EPHX4: variants seen among roughly 807,000 people sequenced by gnomAD.
EPHX4 encodes epoxide hydrolase 4.
A neutral mutation model predicts 44.9 loss-of-function variants in EPHX4; 31 were observed. The ratio of observed to expected loss-of-function variants is 0.69; its 90% CI spans 0.52 to 0.93. The LOEUF (loss-of-function observed/expected upper bound fraction) is 0.93. EPHX4 is among the 40% of genes least tolerant of loss of function. The pLI is 0.00. For missense variants in EPHX4, 373 were observed against 438.1 expected, an observed-to-expected ratio of 0.85 and a Z score of 1.33; for synonymous variants, 151 against 159.7, an observed-to-expected ratio of 0.95 and a Z score of 0.41.
At position 92,030,192 on chromosome 1, in the gene EPHX4, A is replaced by G. The variant is rs1037508099; in HGVS notation, c.113A>G (p.Lys38Arg). 23 of 1,610,768 alleles carry G rather than the reference A, an allele frequency of 1.4e-5. No individual in the cohort carries two copies. Among genetic ancestry groups the G allele is most frequent in the Non-Finnish European group, 1.7e-5 (20 of 1,178,730 alleles). The change falls in exon 1 of 7, where the codon AAA (lysine) becomes AGA (arginine). Residue 38 changes from lysine (K) to arginine (R), a missense_variant. Coordinates refer to ENST00000370383, the MANE Select transcript of EPHX4 (RefSeq NM_173567.5). ...CGLCASIHLL[K>R]LLWSLGKGPA... The stretch of plus-strand genomic sequence containing the variant: ...CTCTGCGCCTCCATCCACCTGCTCA[A>G]ACTTTTGTGGAGCCTCGGCAAGGGG...
chr1:92,052,860 T>C (rs1194773541), intron 6 of EPHX4, among the ~76,000 whole-genome samples: 2 of 152,202 alleles, frequency 1.3e-5, no homozygotes, highest in Non-Finnish European at 2.9e-5. Context: ...AAATCCTTCA[T>C]GTAGCTGTCA....
intron 6 of EPHX4, among the ~76,000 whole-genome samples, chr1:92,058,228 C>G (rs1647414395): frequency 6.6e-6 from 1 of 151,976 alleles, no homozygotes; most frequent in African/African-American, 2.4e-5. Context: ...GATCACCTGA[C>G]TTCGGGAGTT....
intron 2 of EPHX4, among the ~76,000 whole-genome samples, chr1:92,033,200 C>A (rs544997562): frequency 5.3e-5 from 8 of 151,848 alleles, no homozygotes; most frequent in Admixed American, 1.3e-4. Flanking sequence ...CAGATGTAAG[C>A]CACCACGCCA....
At chr1:92,051,079 C>T (rs911175661) in intron 5 of EPHX4, among the ~76,000 whole-genome samples, 3 of 152,142 alleles carry the variant, frequency 2.0e-5, no homozygotes, top group Non-Finnish European at 4.4e-5. Context: ...GCAATCCTCC[C>T]ACCTCGGCTT....
At chr1:92,062,967 A>C in intron 6 of EPHX4, 88 bp from the exon 7 acceptor site, 1 of 1,177,518 alleles carries the variant, frequency 8.5e-7, no homozygotes, top group East Asian at 2.4e-5. Context: ...TGCTCACTTC[A>C]AGAATGTATG....
At chr1:92,053,225 TGGGGACAG>T (rs1406158590) in intron 6 of EPHX4, among the ~76,000 whole-genome samples, 1 of 151,968 alleles carries the variant, frequency 6.6e-6, no homozygotes, top group African/African-American at 2.4e-5. Context: ...TAAACAAGAT[TGGGGACAG>T]GGGGACAGGC....
At position 92,032,467 on chromosome 1, in the gene EPHX4, C is replaced by T. The variant is rs370131920; in HGVS notation, c.232-38C>T. 4.7e-6 allele frequency: 7 copies of T among 1,481,128 alleles called. No homozygotes were observed. In the African/African-American group the frequency reaches 8.3e-5, roughly 18 times the overall value. 91.7% of individuals were successfully genotyped at this position (1,481,128 alleles called of 1,614,324 possible). On this transcript the variant is annotated intron_variant, in intron 1 of 6. Transcript: ENST00000370383. ...CTAAATATATTGCTTTGTCAATCAA[C>T]ACAAACATCACTAAAATTCCATGCC...
chr1:92,057,071 G>A (rs1264627979), intron 6 of EPHX4, among the ~76,000 whole-genome samples: 4 of 151,870 alleles, frequency 2.6e-5, no homozygotes, highest in Non-Finnish European at 5.9e-5. Flanking sequence ...TAGCTTTAAC[G>A]GTTATATTAG....
chr1:92,057,942 C>G (rs924032754), intron 6 of EPHX4, among the ~76,000 whole-genome samples: 2 of 152,074 alleles, frequency 1.3e-5, no homozygotes, highest in African/African-American at 2.4e-5. Context: ...CTGTTAAATA[C>G]TCTTTCAGAT....
intron 4 of EPHX4, among the ~76,000 whole-genome samples, chr1:92,049,582 A>G (rs1000697517): frequency 6.6e-6 from 1 of 152,192 alleles, no homozygotes; most frequent in African/African-American, 2.4e-5. Flanking sequence ...TACATCAATG[A>G]ATTTATAGGA....
At chr1:92,032,101 C>T (rs1688369284) in intron 1 of EPHX4, among the ~76,000 whole-genome samples, 1 of 152,116 alleles carries the variant, frequency 6.6e-6, no homozygotes, top group African/African-American at 2.4e-5. Flanking sequence ...ACATGTCCTG[C>T]AGCATTTGAG....
chr1:92,045,410 A>C (rs1038751877), intron 3 of EPHX4, 122 bp from the exon 4 acceptor site: 4 of 1,230,972 alleles, frequency 3.2e-6, no homozygotes, highest in Non-Finnish European at 3.4e-6. Context: ...ATCTGCACAA[A>C]GTGCATAATT....
chr1:92,062,465 G>A (rs1248378032), intron 6 of EPHX4, among the ~76,000 whole-genome samples: 1 of 151,476 alleles, frequency 6.6e-6, no homozygotes, highest in African/African-American at 2.4e-5. Flanking sequence ...GGCACCTGTA[G>A]TCCCAGCTAC....
chr1:92,034,235 G>A (rs1048245185), intron 2 of EPHX4, among the ~76,000 whole-genome samples: 2 of 146,440 alleles, frequency 1.4e-5, no homozygotes. Flanking sequence ...AGGAGGCGGA[G>A]CTTGCAGTGA....
At chr1:92,035,880 G>A (rs1688430867) in intron 2 of EPHX4, among the ~76,000 whole-genome samples, 1 of 152,086 alleles carries the variant, frequency 6.6e-6, no homozygotes, top group Non-Finnish European at 1.5e-5. Context: ...TCTGAAGTTG[G>A]CAGTGCCAGA....
intron 3 of EPHX4, among the ~76,000 whole-genome samples, chr1:92,045,078 C>A (rs1688564957): frequency 6.6e-6 from 1 of 152,066 alleles, no homozygotes; most frequent in Non-Finnish European, 1.5e-5. Context: ...TCCTCCCACT[C>A]CAGGCTCTAC....
At position 92,046,663 on chromosome 1, in the gene EPHX4, C is replaced by T. The variant is rs529579390; in HGVS notation, c.604+1003C>T. Among the ~76,000 whole-genome samples the T allele has an allele frequency of 4.6e-5, 7 of 152,188 alleles. No homozygotes were observed. The South Asian group carries it at 8.3e-4, about 18-fold the overall frequency. On this transcript the variant is annotated intron_variant, in intron 4 of 6. Coordinates refer to ENST00000370383, the MANE Select transcript of EPHX4 (RefSeq NM_173567.5). ...ATTTTTAGTAGAGACAGGGTTTCGC[C>T]GTGCTGGTCAGGCTGGTCTCAAATG...
chr1:92,061,283 G>A (rs956983612), intron 6 of EPHX4, among the ~76,000 whole-genome samples: 1 of 152,126 alleles, frequency 6.6e-6, no homozygotes, highest in African/African-American at 2.4e-5. Flanking sequence ...ACCAAATGGT[G>A]GCTACTTGCA....
chr1:92,056,979 C>A (rs1470136447), intron 6 of EPHX4, among the ~76,000 whole-genome samples: 4 of 151,806 alleles, frequency 2.6e-5, no homozygotes, highest in African/African-American at 7.3e-5. Flanking sequence ...GGTAAAAAAT[C>A]TATGGAAATT....
Sources: gnomAD v4.1 joint callset for allele counts (sites outside exome capture counted in the v4.1 genomes callset) on GRCh38, gnomAD v4.1.1 for gene constraint, MANE v1.5 for transcripts, NCBI Gene and HGNC (gene_info 2026-07-23, HGNC 2026-07-21) for gene names.